Variants in DPYSL2 observed in about 807,000 individuals in gnomAD.
The protein encoded by DPYSL2 is dihydropyrimidinase-related protein 2.
In DPYSL2, 13 loss-of-function variants were observed where a neutral mutation model predicts 69.9. That is an observed-to-expected ratio of 0.19 (90% CI 0.12 to 0.30). The LOEUF is 0.30. Among genes scored for constraint, DPYSL2 ranks in the 10% least tolerant of loss-of-function variants. The probability of loss-of-function intolerance (pLI) is 1.00; values close to 1 mark genes in which losing one functional copy is unlikely to be tolerated. For synonymous variants in DPYSL2, 326 were observed against 359.1 expected (o/e 0.91, Z 1.04); for missense variants, 587 against 918.9 (o/e 0.64, Z 4.67).
intron 1 of DPYSL2, among the ~76,000 whole-genome samples, chr8:26,552,588 T>C (rs566958653): frequency 6.6e-6 from 1 of 152,304 alleles, no homozygotes; most frequent in South Asian, 2.1e-4. Context: ...CCAAAGTCCA[T>C]GTGCTATTTC....
At chr8:26,531,151 G>T (rs1282197050) in intron 1 of DPYSL2, among the ~76,000 whole-genome samples, 4 of 152,020 alleles carry the variant, frequency 2.6e-5, no homozygotes, top group Non-Finnish European at 4.4e-5. Flanking sequence ...TTATTGCATT[G>T]GGGATTAGGT....
At chr8:26,583,732 T>C (rs1464369921) in intron 2 of DPYSL2, 67 bp from the exon 3 acceptor site, 19 of 1,427,436 alleles carry the variant, frequency 1.3e-5, no homozygotes, top group Non-Finnish European at 1.8e-5. Flanking sequence ...TTAGTGAAAG[T>C]AGCTGTCAGA....
Position 26,657,242 on chromosome 8 carries a change from G to A in DPYSL2, c.*1536G>A, listed in dbSNP as rs151138741. ...AGGAAACCTTATAAATTAAACACAT[G>A]GCCCCCTTAGAGACCACAGGTGATG... is the stretch of plus-strand genomic sequence containing the variant. On this transcript the variant is annotated 3_prime_UTR_variant, in exon 14 of 14. Coordinates refer to ENST00000521913, the MANE Select transcript of DPYSL2 (RefSeq NM_001197293.3). 1,303 of 152,694 alleles carry A rather than the reference G, an allele frequency of 8.5e-3. 11 individuals are homozygous for A. Among genetic ancestry groups the A allele is most frequent in the Non-Finnish European group, 0.011 (750 of 68,030 alleles). 9.5% of individuals were successfully genotyped at this position (152,694 alleles called of 1,614,324 possible). A position where few individuals can be genotyped will look rare whatever the true frequency, so the allele number is the denominator to read the frequency against.
rs540972317 is a variant in DPYSL2, at chr8:26,654,567, T to C, written c.1943-1048T>C. Among the ~76,000 whole-genome samples, 1 of 152,334 alleles carries C rather than the reference T, an allele frequency of 6.6e-6. No homozygotes were observed. Among genetic ancestry groups the C allele is most frequent in the East Asian group, 1.9e-4 (1 of 5,180 alleles). ...GTATAATCATGTCTGTGTTTTCTGA[T>C]CTCTCAAAGCTGTTCCAATATAAGG... is the stretch of plus-strand genomic sequence containing the variant. On this transcript the variant is annotated intron_variant, in intron 13 of 13. Coordinates refer to ENST00000521913, the MANE Select transcript of DPYSL2 (RefSeq NM_001197293.3). This position sits in a 1 kb window ranked among gnomAD's most constrained non-coding sequence, Gnocchi z 5.0.
Position 26,624,305 on chromosome 8 carries a change from A to G in DPYSL2, c.791A>G (p.His264Arg), listed in dbSNP as rs1174455238. The change falls in exon 4 of 14, where the codon CAC becomes CGC. Residue 264 changes from histidine to arginine, a missense_variant and splice_region_variant. His to Arg is a conservative substitution (Grantham distance 29, BLOSUM62 0). Transcript: ENST00000521913. The surrounding 1 kb of genome is among the most constrained non-coding windows in gnomAD (Gnocchi z 4.7). Reference protein sequence around the residue: ...QEEMEALVKDHGVNSFLVYMA... With the variant: ...QEEMEALVKDRGVNSFLVYMA... ...GAGATGGAAGCGCTTGTGAAGGATC[A>G]CGGTAGGTTGCACTGAGTCAATGCC... 1 of 1,614,104 alleles carries G rather than the reference A, an allele frequency of 6.2e-7. No individual in the cohort carries two copies. The highest frequency in any genetic ancestry group is 1.7e-5 in the Admixed American group (1 of 60,026).
In DPYSL2 at chr8:26,562,330, C is replaced by T. The variant is rs966598751; in HGVS notation, c.355-19639C>T. On this transcript the variant is annotated intron_variant, in intron 1 of 13. Coordinates refer to ENST00000521913, the MANE Select transcript of DPYSL2 (RefSeq NM_001197293.3). This position sits in a 1 kb window ranked among gnomAD's most constrained non-coding sequence, Gnocchi z 4.9. The stretch of plus-strand genomic sequence containing the variant: ...GTTAATACTTGCAAAGCACTGAGAA[C>T]AATGCCTGGCCCAGTAATTGCTGCA... 3.9e-5 allele frequency among the ~76,000 whole-genome samples: 6 copies of T among 152,214 alleles called. No homozygotes were observed. Among genetic ancestry groups the T allele is most frequent in the African/African-American group, 1.4e-4 (6 of 41,462 alleles).
At chr8:26,535,386 T>C (rs1457476668) in intron 1 of DPYSL2, among the ~76,000 whole-genome samples, 3 of 152,060 alleles carry the variant, frequency 2.0e-5, no homozygotes, top group Admixed American at 1.3e-4. Context: ...ATGAGGATTG[T>C]TTAGGGGATT....
At chr8:26,557,343 AC>A in intron 1 of DPYSL2, among the ~76,000 whole-genome samples, 1 of 152,234 alleles carries the variant, frequency 6.6e-6, no homozygotes, top group East Asian at 1.9e-4. Flanking sequence ...AACTCTTAAA[AC>A]CCAACAACAA....
At chr8:26,552,673 C>T (rs554971723) in intron 1 of DPYSL2, among the ~76,000 whole-genome samples, 1 of 152,276 alleles carries the variant, frequency 6.6e-6, no homozygotes, top group Non-Finnish European at 1.5e-5. Context: ...TGTGAGAGTG[C>T]TTACAAGAGA....
chr8:26,546,434 C>T (rs916753586), intron 1 of DPYSL2, among the ~76,000 whole-genome samples: 4 of 152,108 alleles, frequency 2.6e-5, no homozygotes, highest in African/African-American at 9.7e-5. Context: ...ATCTGCTCAA[C>T]AAATATCAAA....
At position 26,597,071 on chromosome 8, in the gene DPYSL2, G is replaced by A. The variant is rs978158704; in HGVS notation, c.628+13088G>A. 2.6e-5 allele frequency among the ~76,000 whole-genome samples: 4 copies of A among 152,088 alleles called. No individual in the cohort carries two copies. Among genetic ancestry groups the A allele is most frequent in the Non-Finnish European group, 4.4e-5 (3 of 68,020 alleles). ...GGCAGAAAATGATCAGATATCATAC[G>A]TCTCCTACTAAGTGGGAGGCTGCAC... On this transcript the variant is annotated intron_variant, in intron 3 of 13. Transcript: ENST00000521913. This position sits in a 1 kb window ranked among gnomAD's most constrained non-coding sequence, Gnocchi z 5.2.
chr8:26,521,782 C>T (rs1182214236), intron 1 of DPYSL2, among the ~76,000 whole-genome samples: 1 of 152,024 alleles, frequency 6.6e-6, no homozygotes, highest in Non-Finnish European at 1.5e-5. Context: ...AGTATATGGC[C>T]TTTTGTGTCT....
intron 1 of DPYSL2, among the ~76,000 whole-genome samples, chr8:26,530,607 C>T (rs73678807): frequency 0.028 from 4,271 of 152,246 alleles, 207 homozygotes; most frequent in African/African-American, 0.096. Context: ...GATCACCAGT[C>T]ATTTCTTTGT....
intron 1 of DPYSL2, among the ~76,000 whole-genome samples, chr8:26,525,567 T>A (rs1808462822): frequency 6.6e-6 from 1 of 152,238 alleles, no homozygotes; most frequent in Admixed American, 6.5e-5. Context: ...TTAAGTTTTG[T>A]CTTTAACTTG....
chr8:26,590,315 T>C (rs2129768684), intron 3 of DPYSL2, among the ~76,000 whole-genome samples: 2 of 152,324 alleles, frequency 1.3e-5, no homozygotes, highest in Admixed American at 1.3e-4. Context: ...CTCCTCCCCT[T>C]GTCCCCTCAG....
chr8:26,620,713 A>G lies in DPYSL2; in HGVS notation c.629-3430A>G, dbSNP rs1173078977. 6.6e-6 allele frequency among the ~76,000 whole-genome samples: 1 copy of G among 152,240 alleles called. No homozygotes were observed. Among genetic ancestry groups the G allele is most frequent in the Non-Finnish European group, 1.5e-5 (1 of 68,048 alleles). On this transcript the variant is annotated intron_variant, in intron 3 of 13. Transcript: ENST00000521913. This position sits in a 1 kb window ranked among gnomAD's most constrained non-coding sequence, Gnocchi z 4.5. ...CAATAGAAGGAAAGGATTATTCAGT[A>G]ACTATGAGCATGTGGGTCTTAGTGT...
intron 1 of DPYSL2, among the ~76,000 whole-genome samples, chr8:26,537,342 A>G (rs1473522195): frequency 1.3e-5 from 2 of 152,120 alleles, no homozygotes; most frequent in African/African-American, 4.8e-5. Context: ...AGACAAGTTC[A>G]GGAGCTGCAG....
rs1052113018 is a variant in DPYSL2 at position 26,580,745 on chromosome 8, T to C, written c.355-1224T>C. 6.6e-6 allele frequency among the ~76,000 whole-genome samples: 1 copy of C among 152,230 alleles called. No homozygotes were observed. Among genetic ancestry groups the C allele is most frequent in the Admixed American group, 6.5e-5 (1 of 15,286 alleles). On this transcript the variant is annotated intron_variant, in intron 1 of 13. Coordinates refer to ENST00000521913, the MANE Select transcript of DPYSL2 (RefSeq NM_001197293.3). The surrounding 1 kb of genome is among the most constrained non-coding windows in gnomAD (Gnocchi z 4.1). ...TTGTAACTGAATTTTGAGTTAACTA[T>C]TGCCAAAAGAATGTCATTCTTTGAA...
At chr8:26,535,201 G>A (rs1800571362) in intron 1 of DPYSL2, among the ~76,000 whole-genome samples, 1 of 152,140 alleles carries the variant, frequency 6.6e-6, no homozygotes. Flanking sequence ...TTGTGTGACA[G>A]AAGGAGTGTG....
Sources: allele counts gnomAD v4.1 joint callset (sites outside exome capture counted in the v4.1 genomes callset), GRCh38; gene constraint gnomAD v4.1.1; non-coding constraint Gnocchi (gnomAD v3.1); transcripts MANE v1.5; gene names NCBI Gene and HGNC (gene_info 2026-07-23, HGNC 2026-07-21).